The following ERC1 variants were observed in gnomAD, a reference collection of about 807,000 sequenced individuals.
The protein encoded by ERC1 is RAB6 interacting protein 2.
A neutral mutation model predicts 132.0 loss-of-function variants in ERC1; 56 were observed. The observed-to-expected ratio is 0.42, with a 90% confidence interval of 0.34 to 0.53. The LOEUF (loss-of-function observed/expected upper bound fraction) is 0.53, where lower values mean the gene tolerates loss of function less well. Ranked by LOEUF, ERC1 falls within the 20% of genes least tolerant of loss-of-function variation. The pLI, the probability that ERC1 is intolerant of heterozygous loss-of-function variation, is 0.03. For missense variants in ERC1, 1,202 were observed against 1,349.9 expected, an observed-to-expected ratio of 0.89 and a Z score of 1.72; for synonymous variants, 478 against 476.1, an observed-to-expected ratio of 1.00 and a Z score of -0.05.
At chr12:998,336 AGGAATGTGG>A (rs1388453741) in intron 1 of ERC1, 17 of 152,306 alleles carry the variant, frequency 1.1e-4, no homozygotes, top group African/African-American at 2.9e-4. Flanking sequence ...TTTGTAGATC[AGGAATGTGG>A]GTGCAGTTGG....
intron 18 of ERC1, among the ~76,000 whole-genome samples, chr12:1,487,108 GGTA>G (rs2154433977): frequency 6.6e-6 from 1 of 152,260 alleles, no homozygotes; most frequent in South Asian, 2.1e-4. Flanking sequence ...GTATTTACAA[GGTA>G]CCCAGCCTCC....
chr12:1,309,961 G>GTTTTGT (rs1555355526), intron 15 of ERC1, among the ~76,000 whole-genome samples: 1 of 143,892 alleles, frequency 6.9e-6, no homozygotes, highest in African/African-American at 2.6e-5. Context: ...GTTTTGTTTT[G>GTTTTGT]TTTTGAGACA....
chr12:1,092,124 G>A lies in ERC1; in HGVS notation c.1086+8544G>A, dbSNP rs528672701. ...AGCGATTCTCCTGCTTCAGCCTCCCGAGTAGCTGGGATTACAGGCACCCAT... is the reference window on the plus strand; with the variant it reads ...AGCGATTCTCCTGCTTCAGCCTCCCAAGTAGCTGGGATTACAGGCACCCAT... On this transcript the variant is annotated intron_variant, in intron 3 of 18. Transcript: ENST00000360905. Among the ~76,000 whole-genome samples, 50 of 151,420 alleles carry A rather than the reference G, an allele frequency of 3.3e-4. No homozygotes were observed. In the South Asian group the frequency reaches 7.7e-3, roughly 23 times the overall value.
rs1255863440 is a variant in ERC1, at chr12:1,492,686, A to G, written c.*2456A>G. ...GATATCATCTGTCTGGTCTCTGTGA[A>G]CAGCAAGGAATCTTCTTGACCGTTC... On this transcript the variant is annotated 3_prime_UTR_variant, in exon 19 of 19. Coordinates refer to ENST00000360905, the MANE Select transcript of ERC1 (RefSeq NM_178040.4). The G allele has an allele frequency of 8.6e-6, 2 of 232,874 alleles. No homozygotes were observed. Among genetic ancestry groups the G allele is most frequent in the Admixed American group, 5.6e-5 (1 of 17,792 alleles). 14.4% of individuals were successfully genotyped at this position (232,874 alleles called of 1,614,324 possible). A position where few individuals can be genotyped will look rare whatever the true frequency, so the allele number is the denominator to read the frequency against.
chr12:1,115,439 CT>C (rs1415685009), intron 6 of ERC1, among the ~76,000 whole-genome samples: 3 of 152,076 alleles, frequency 2.0e-5, no homozygotes. Context: ...TTTCTAAAAC[CT>C]TTTTTGTTAT....
Position 1,173,378 on chromosome 12 carries a change from G to A in ERC1, c.1738-7162G>A, listed in dbSNP as rs138152684. Among the ~76,000 whole-genome samples, 63 of 152,234 alleles carry A rather than the reference G, an allele frequency of 4.1e-4. No individual in the cohort carries two copies. The Middle Eastern group carries it at 0.014, about 33-fold the overall frequency. On this transcript the variant is annotated intron_variant, in intron 8 of 18. Coordinates refer to ENST00000360905, the MANE Select transcript of ERC1 (RefSeq NM_178040.4). Reference sequence around the variant, plus strand: ...CCTCCCCACCACCACTGTTAGAATCGTCGTTCTTGTTATTTTATTTTAGGG... The same window carrying A: ...CCTCCCCACCACCACTGTTAGAATCATCGTTCTTGTTATTTTATTTTAGGG...
intron 8 of ERC1, among the ~76,000 whole-genome samples, chr12:1,146,524 C>T (rs1299404028): frequency 2.0e-5 from 3 of 150,990 alleles, no homozygotes; most frequent in African/African-American, 4.9e-5. Flanking sequence ...CATCAGCAAA[C>T]AATGATAGTT....
chr12:1,000,484 T>G (rs958694269), intron 1 of ERC1, among the ~76,000 whole-genome samples: 4 of 144,690 alleles, frequency 2.8e-5, no homozygotes, highest in Non-Finnish European at 6.0e-5. Flanking sequence ...AGACCCTGTC[T>G]CAGAAAAAAA....
chr12:1,320,976 C>G (rs977122970), intron 15 of ERC1, among the ~76,000 whole-genome samples: 2 of 152,234 alleles, frequency 1.3e-5, no homozygotes, highest in Non-Finnish European at 2.9e-5. Flanking sequence ...ACTGGGATTA[C>G]AGGCATGAGC....
chr12:995,621 G>A (rs1327829265), intron 1 of ERC1, among the ~76,000 whole-genome samples: 2 of 152,108 alleles, frequency 1.3e-5, no homozygotes, highest in Admixed American at 6.6e-5. Context: ...TATGAGATAG[G>A]TGAGATCATC....
At chr12:1,316,760 G>T (rs915519678) in intron 15 of ERC1, among the ~76,000 whole-genome samples, 1 of 152,168 alleles carries the variant, frequency 6.6e-6, no homozygotes, top group Admixed American at 6.5e-5. Context: ...TATAAATCAT[G>T]CTGCTATAAA....
At chr12:1,402,614 A>AACACACACACACACACACACACCAC (rs1555393204) in intron 16 of ERC1, among the ~76,000 whole-genome samples, 1,698 of 144,952 alleles carry the variant, frequency 0.012, 40 homozygotes, top group African/African-American at 0.04. Flanking sequence ...TGTAACCCCC[A>AACACACACACACACACACACACCAC]ACACACACAC....
intron 12 of ERC1, among the ~76,000 whole-genome samples, chr12:1,195,647 G>A (rs1956151098): frequency 1.3e-5 from 2 of 152,178 alleles, no homozygotes; most frequent in South Asian, 4.1e-4. Context: ...CATAATTGCT[G>A]CAGCTACTTC....
At chr12:1,096,992 T>C (rs1440070408) in intron 3 of ERC1, among the ~76,000 whole-genome samples, 1 of 152,270 alleles carries the variant, frequency 6.6e-6, no homozygotes, top group Non-Finnish European at 1.5e-5. Context: ...GTTAAATTAA[T>C]ATCATTCCTA....
At chr12:1,265,230 G>T (rs7306130) in intron 14 of ERC1, among the ~76,000 whole-genome samples, 63,162 of 151,870 alleles carry the variant, frequency 0.42, 13,755 homozygotes, top group African/African-American at 0.54. Context: ...ATTTTTCAAA[G>T]AAAGATTTTT....
intron 12 of ERC1, among the ~76,000 whole-genome samples, chr12:1,191,807 A>C (rs1023460407): frequency 2.0e-5 from 3 of 152,104 alleles, no homozygotes; most frequent in Admixed American, 2.0e-4. Flanking sequence ...GCCCTATTGC[A>C]TTATAATTTC....
intron 15 of ERC1, among the ~76,000 whole-genome samples, chr12:1,311,160 G>A (rs2081276319): frequency 6.6e-6 from 1 of 152,150 alleles, no homozygotes; most frequent in Non-Finnish European, 1.5e-5. Context: ...TATCCTTTCT[G>A]GCACAAACTT....
intron 13 of ERC1, among the ~76,000 whole-genome samples, chr12:1,245,394 G>A (rs1594506483): frequency 6.6e-6 from 1 of 152,126 alleles, no homozygotes; most frequent in East Asian, 1.9e-4. Context: ...CACTTCTTTT[G>A]TTGATCATTA....
intron 18 of ERC1, among the ~76,000 whole-genome samples, chr12:1,460,958 C>CTTTTTTTTTTTTTTTTTTTTTTTT (rs35505633): frequency 3.1e-5 from 2 of 64,950 alleles, no homozygotes; most frequent in African/African-American, 1.2e-4. Context: ...TGAGGAGGCC[C>CTTTTTTTTTTTTTTTTTTTTTTTT]TTTTTTTTTT....
Sources: gnomAD v4.1 joint callset for allele counts (sites outside exome capture counted in the v4.1 genomes callset) on GRCh38, gnomAD v4.1.1 for gene constraint, MANE v1.5 for transcripts, NCBI Gene and HGNC (gene_info 2026-07-23, HGNC 2026-07-21) for gene names.